The following PCDH9 variants were observed in gnomAD, a reference collection of about 807,000 sequenced individuals.
PCDH9 encodes the protein protocadherin-9.
PCDH9 carries 24 observed loss-of-function variants against 70.6 expected under a neutral mutation model. The observed-to-expected ratio is 0.34, with a 90% confidence interval of 0.25 to 0.48. The LOEUF (loss-of-function observed/expected upper bound fraction) is 0.48, where lower values mean the gene tolerates loss of function less well. PCDH9 is among the 20% of genes least tolerant of loss of function. PCDH9 has a pLI of 0.99. For missense variants in PCDH9, 1,281 were observed against 1,503.6 expected (o/e 0.85, Z 2.45); for synonymous variants, 562 against 558.5 (o/e 1.01, Z -0.09).
chr13:67,129,912 T>G (rs2138326625), intron 2 of PCDH9, among the ~76,000 whole-genome samples: 1 of 152,130 alleles, frequency 6.6e-6, no homozygotes, highest in East Asian at 1.9e-4. Flanking sequence ...ACCATATTCC[T>G]TATTATTAAT....
chr13:67,187,397 G>A (rs142867583), intron 2 of PCDH9, among the ~76,000 whole-genome samples: 26 of 152,276 alleles, frequency 1.7e-4, no homozygotes, highest in African/African-American at 6.3e-4. Context: ...GATTTATATA[G>A]TATGGCTTGC....
intron 3 of PCDH9, among the ~76,000 whole-genome samples, chr13:66,667,184 C>T (rs2078107679): frequency 6.6e-6 from 1 of 151,718 alleles, no homozygotes. Context: ...CCTGATAGTC[C>T]CTGGTTTGAG....
chr13:66,768,217 C>T (rs2079749950), intron 3 of PCDH9, among the ~76,000 whole-genome samples: 2 of 151,228 alleles, frequency 1.3e-5, no homozygotes, highest in Admixed American at 6.6e-5. Flanking sequence ...GTAGATGTTC[C>T]CCCTATGGCA....
chr13:66,477,173 T>C (rs1040266209), intron 4 of PCDH9, among the ~76,000 whole-genome samples: 2 of 152,126 alleles, frequency 1.3e-5, no homozygotes, highest in Admixed American at 6.6e-5. Context: ...CACATTTTAT[T>C]AGGAAAGTTT....
intron 4 of PCDH9, among the ~76,000 whole-genome samples, chr13:66,573,769 T>C (rs528479644): frequency 7.0e-6 from 1 of 143,294 alleles, no homozygotes; most frequent in Admixed American, 6.9e-5. Context: ...TTGTTTGTTT[T>C]TTTGGTGCCA....
At chr13:66,781,120 G>T (rs76242590) in intron 3 of PCDH9, among the ~76,000 whole-genome samples, 1,731 of 152,104 alleles carry the variant, frequency 0.011, 30 homozygotes, top group African/African-American at 0.04. Flanking sequence ...TTCCTGTAAA[G>T]GAATAATAAA....
chr13:66,559,548 C>A (rs1271900157), intron 4 of PCDH9, among the ~76,000 whole-genome samples: 2 of 151,922 alleles, frequency 1.3e-5, no homozygotes, highest in East Asian at 1.9e-4. Context: ...CGCCTGTAAT[C>A]CCAGCACTTC....
At chr13:66,433,542 G>C (rs1388053716) in intron 4 of PCDH9, among the ~76,000 whole-genome samples, 1 of 150,410 alleles carries the variant, frequency 6.6e-6, no homozygotes, top group South Asian at 2.1e-4. Flanking sequence ...CAGAAATTGA[G>C]TATATTCTTA....
intron 3 of PCDH9, among the ~76,000 whole-genome samples, chr13:66,882,760 A>G (rs2081942418): frequency 6.6e-6 from 1 of 152,188 alleles, no homozygotes; most frequent in East Asian, 1.9e-4. Context: ...AATGGGAAAG[A>G]AGTCCCTTTA....
chr13:66,780,029 T>A (rs183713941), intron 3 of PCDH9, among the ~76,000 whole-genome samples: 1 of 151,602 alleles, frequency 6.6e-6, no homozygotes, highest in Non-Finnish European at 1.5e-5. Flanking sequence ...AGATCTAATA[T>A]ACAACATGAA....
At chr13:66,492,881 A>T (rs1959055198) in intron 4 of PCDH9, among the ~76,000 whole-genome samples, 1 of 152,212 alleles carries the variant, frequency 6.6e-6, no homozygotes, top group African/African-American at 2.4e-5. Flanking sequence ...ATACATTGTT[A>T]CAAAGAAAAG....
At chr13:66,810,749 A>G (rs556628667) in intron 3 of PCDH9, among the ~76,000 whole-genome samples, 11 of 151,868 alleles carry the variant, frequency 7.2e-5, no homozygotes, top group Admixed American at 1.3e-4. Flanking sequence ...AGAGAGCAAA[A>G]TATTTTCCAG....
chr13:67,110,624 T>C (rs1852612173), intron 2 of PCDH9, among the ~76,000 whole-genome samples: 1 of 152,022 alleles, frequency 6.6e-6, no homozygotes, highest in African/African-American at 2.4e-5. Context: ...AAAGACTTCC[T>C]ATGCTCCAAG....
At chr13:67,067,254 G>C (rs1256116046) in intron 2 of PCDH9, among the ~76,000 whole-genome samples, 1 of 152,118 alleles carries the variant, frequency 6.6e-6, no homozygotes, top group Non-Finnish European at 1.5e-5. Context: ...TCAGTAAGAA[G>C]TATGTATGCC....
intron 4 of PCDH9, among the ~76,000 whole-genome samples, chr13:66,441,198 G>A (rs559127316): frequency 2.8e-4 from 42 of 152,294 alleles, no homozygotes; most frequent in African/African-American, 9.6e-4. Flanking sequence ...CAAGTGAAGT[G>A]TGTTATCCGT....
rs1372866899 is a variant in PCDH9, at chr13:66,655,139, T to C, written c.3139-23728A>G. Among the ~76,000 whole-genome samples, 4 of 152,170 alleles carry C rather than the reference T, an allele frequency of 2.6e-5. No homozygotes were observed. In the East Asian group the frequency reaches 5.8e-4, roughly 22 times the overall value. On this transcript the variant is annotated intron_variant, in intron 3 of 4. Transcript: ENST00000377865. Reference sequence around the variant, plus strand: ...CATTTATGCTCAGAATGTCTTCTTTTCTGGGAACTACAGAAGACAAAAAAA... The same window carrying C: ...CATTTATGCTCAGAATGTCTTCTTTCCTGGGAACTACAGAAGACAAAAAAA...
intron 2 of PCDH9, among the ~76,000 whole-genome samples, chr13:66,934,260 G>A (rs537041730): frequency 1.6e-4 from 24 of 152,122 alleles, no homozygotes; most frequent in Admixed American, 1.3e-3. Context: ...GCCCGGGTGC[G>A]GTGACTCCCA....
chr13:66,704,097 A>C (rs1207196248), intron 3 of PCDH9, among the ~76,000 whole-genome samples: 1 of 152,204 alleles, frequency 6.6e-6, no homozygotes, highest in African/African-American at 2.4e-5. Context: ...TGAAGAGTTA[A>C]AACAAGAATT....
At chr13:67,219,092 A>G (rs529888366) in intron 2 of PCDH9, 10 of 152,194 alleles carry the variant, frequency 6.6e-5, no homozygotes, top group African/African-American at 2.4e-4. Flanking sequence ...TATCAGAGAC[A>G]AACTGTCTAT....
Sources: gnomAD v4.1 joint callset for allele counts (sites outside exome capture counted in the v4.1 genomes callset) on GRCh38, gnomAD v4.1.1 for gene constraint, MANE v1.5 for transcripts, NCBI Gene and HGNC (gene_info 2026-07-23, HGNC 2026-07-21) for gene names.